The following RAP1B variants were observed in gnomAD, a reference collection of about 807,000 sequenced individuals.
RAP1B encodes the protein ras-related protein Rap-1b.
RAP1B carries 1 observed loss-of-function variant against 27.5 expected under a neutral mutation model. The ratio of observed to expected loss-of-function variants is 0.04; its 90% CI spans 0.01 to 0.17. The LOEUF (loss-of-function observed/expected upper bound fraction) is 0.17. Ranked by LOEUF, RAP1B falls within the 10% of genes least tolerant of loss-of-function variation. The pLI, the probability that RAP1B is intolerant of heterozygous loss-of-function variation, is 1.00. For missense variants in RAP1B, 84 were observed against 214.8 expected (o/e 0.39, Z 3.81); for synonymous variants, 75 against 73.1 (o/e 1.03, Z -0.13).
Position 68,651,156 on chromosome 12 carries a change from T to G in RAP1B, c.126+688T>G, listed in dbSNP as rs531522838. 1.2e-4 allele frequency among the ~76,000 whole-genome samples: 19 copies of G among 152,334 alleles called. 1 individual carries two copies. In the South Asian group the frequency reaches 1.9e-3, roughly 15 times the overall value. On this transcript the variant is annotated intron_variant, in intron 3 of 7. Coordinates refer to ENST00000250559, the MANE Select transcript of RAP1B (RefSeq NM_001010942.3). ...TGTTCCACACATGGCTCAAAAACTT[T>G]TGGATTTGGAACATTGCAAGTTTTG...
chr12:68,649,601 T>A (rs1312625362), intron 2 of RAP1B: 1 of 152,178 alleles, frequency 6.6e-6, no homozygotes, highest in Non-Finnish European at 1.5e-5. Context: ...TAGATTGACC[T>A]TCTGTCTCAC....
Position 68,669,942 on chromosome 12 carries a change from T to C in RAP1B, c.*10693T>C, listed in dbSNP as rs977565443. On this transcript the variant is annotated 3_prime_UTR_variant, in exon 8 of 8. Coordinates refer to ENST00000250559, the MANE Select transcript of RAP1B (RefSeq NM_001010942.3). The stretch of plus-strand genomic sequence containing the variant: ...ATATATTTCTTTTTCTTTCTTTTTT[T>C]TTTTTTTTTTTTTGAGACAGTTTCC... 1.4e-5 allele frequency: 2 copies of C among 144,660 alleles called. No individual in the cohort carries two copies. Among genetic ancestry groups the C allele is most frequent in the African/African-American group, 5.1e-5 (2 of 39,174 alleles). The allele number at this position is 144,660 out of a possible 1,614,324, so 9.0% of individuals were successfully genotyped here.
At chr12:68,642,719 T>C (rs1873106180) in intron 1 of RAP1B, 1 of 1,105,126 alleles carries the variant, frequency 9.0e-7, no homozygotes, top group Non-Finnish European at 1.4e-6. Flanking sequence ...ATCTTTTTCT[T>C]CGGCATCCAC....
intron 1 of RAP1B, among the ~76,000 whole-genome samples, chr12:68,628,931 A>G (rs1219387822): frequency 6.6e-6 from 1 of 152,206 alleles, no homozygotes; most frequent in African/African-American, 2.4e-5. Flanking sequence ...TCCTAAATCT[A>G]CAGTCTTGTG....
intron 1 of RAP1B, among the ~76,000 whole-genome samples, chr12:68,632,129 G>GT (rs796286462): frequency 0.046 from 4,756 of 103,660 alleles, 106 homozygotes; most frequent in African/African-American, 0.086. Context: ...TTTTGGATTT[G>GT]TTTTTTTTTT....
Position 68,632,125 on chromosome 12 carries a change from A to ATTTTTTTTTTTTTTTTT in RAP1B, c.-26-16571_-26-16570insTTTTTTTTTTTTTTTTT, listed in dbSNP as rs1211565843. On this transcript the variant is annotated intron_variant, in intron 1 of 7. Coordinates refer to ENST00000250559, the MANE Select transcript of RAP1B (RefSeq NM_001010942.3). ...AAGGAAACAGTTTTTTGGGTTTTGG[A>ATTTTTTTTTTTTTTTTT]TTTGTTTTTTTTTTTTTTTTGTTTG... is the stretch of plus-strand genomic sequence containing the variant. Among the ~76,000 whole-genome samples, 4 of 107,142 alleles carry ATTTTTTTTTTTTTTTTT rather than the reference A, an allele frequency of 3.7e-5. 1 individual carries two copies. The highest frequency in any genetic ancestry group is 1.8e-4 in the African/African-American group (4 of 21,852). 70.3% of individuals were successfully genotyped at this position (107,142 alleles called of 152,430 possible). A position where few individuals can be genotyped will look rare whatever the true frequency, so the allele number is the denominator to read the frequency against.
chr12:68,646,590 C>T (rs1372366933), intron 1 of RAP1B, among the ~76,000 whole-genome samples: 1 of 152,166 alleles, frequency 6.6e-6, no homozygotes. Context: ...GCCCGGCCCA[C>T]TACAACTAGT....
Position 68,667,451 on chromosome 12 carries a change from G to C in RAP1B, c.*8202G>C, listed in dbSNP as rs181595328. On this transcript the variant is annotated 3_prime_UTR_variant, in exon 8 of 8. Transcript: ENST00000250559. ...GGAATGAAGTACACTGAACATTTGAGGAAGTTAGAGATTAATTCAACCCAG... is the reference window on the plus strand; with the variant it reads ...GGAATGAAGTACACTGAACATTTGACGAAGTTAGAGATTAATTCAACCCAG... 1.3e-5 allele frequency: 2 copies of C among 152,308 alleles called. No individual in the cohort carries two copies. Among genetic ancestry groups the C allele is most frequent in the East Asian group, 3.9e-4 (2 of 5,190 alleles). 9.4% of individuals were successfully genotyped at this position (152,308 alleles called of 1,614,324 possible). A position where few individuals can be genotyped will look rare whatever the true frequency, so the allele number is the denominator to read the frequency against.
chr12:68,630,914 C>T (rs557748175), intron 1 of RAP1B, among the ~76,000 whole-genome samples: 5 of 151,942 alleles, frequency 3.3e-5, no homozygotes, highest in Admixed American at 1.3e-4. Context: ...TGTCAACCAC[C>T]GCATCCAGCC....
chr12:68,651,951 A>G (rs776735158), intron 3 of RAP1B, 44 bp from the exon 4 acceptor site: 9 of 1,508,322 alleles, frequency 6.0e-6, no homozygotes, highest in Non-Finnish European at 3.7e-6. Context: ...AGGTAGTTTT[A>G]TGTACATTGA....
chr12:68,628,597 GA>G (rs1871995713), intron 1 of RAP1B, among the ~76,000 whole-genome samples: 2 of 152,198 alleles, frequency 1.3e-5, no homozygotes. Context: ...CCTTGTGAGA[GA>G]AAAGTACAAG....
At position 68,633,343 on chromosome 12, in the gene RAP1B, G is replaced by A. The variant is rs528251851; in HGVS notation, c.-26-15356G>A. On this transcript the variant is annotated intron_variant, in intron 1 of 7. Coordinates refer to ENST00000250559, the MANE Select transcript of RAP1B (RefSeq NM_001010942.3). Reference sequence around the variant, plus strand: ...TTATATATCCACTGGTCTGGTTTAAGTATCCACTTAGGAAGCCTTGCCTGG... The same window carrying A: ...TTATATATCCACTGGTCTGGTTTAAATATCCACTTAGGAAGCCTTGCCTGG... 6.6e-5 allele frequency among the ~76,000 whole-genome samples: 10 copies of A among 152,268 alleles called. No individual in the cohort carries two copies. The East Asian group carries it at 1.7e-3, about 26-fold the overall frequency.
chr12:68,618,749 TAA>T (rs1871194620), intron 1 of RAP1B, among the ~76,000 whole-genome samples: 1 of 151,796 alleles, frequency 6.6e-6, no homozygotes, highest in South Asian at 2.1e-4. Flanking sequence ...GATTTTTTTT[TAA>T]GTTTCACCTA....
chr12:68,648,656 A>G, intron 1 of RAP1B, 43 bp from the exon 2 acceptor site: 1 of 1,434,908 alleles, frequency 7.0e-7, no homozygotes, highest in Non-Finnish European at 9.6e-7. Context: ...ACAGGAATAC[A>G]CAACTTTACT....
chr12:68,651,966 A>C (rs1402337895), intron 3 of RAP1B, 29 bp from the exon 4 acceptor site: 2 of 1,589,510 alleles, frequency 1.3e-6, no homozygotes, highest in Admixed American at 1.7e-5. Context: ...CATTGAAAAA[A>C]TGAACATGTA....
rs1177236838 is a variant in RAP1B, at chr12:68,665,719, G to A, written c.*6470G>A. On this transcript the variant is annotated 3_prime_UTR_variant, in exon 8 of 8. Transcript: ENST00000250559. ...ACTTGGTGGTGAATTTGCTACAAAT[G>A]TAAGGAGATGATGGGATAGTTTTTG... 3.9e-5 allele frequency: 6 copies of A among 152,160 alleles called. No individual in the cohort carries two copies. Among genetic ancestry groups the A allele is most frequent in the Non-Finnish European group, 5.9e-5 (4 of 68,036 alleles). The allele number at this position is 152,160 out of a possible 1,614,324, so 9.4% of individuals were successfully genotyped here.
rs551692899 is a variant in RAP1B at position 68,646,350 on chromosome 12, C to T, written c.-26-2349C>T. ...TTGCAGTCTCACCGGGGCTGGAGTG[C>T]AGTGGCACGATCTCAGCTTACTGCA... On this transcript the variant is annotated intron_variant, in intron 1 of 7. Coordinates refer to ENST00000250559, the MANE Select transcript of RAP1B (RefSeq NM_001010942.3). 4.1e-3 allele frequency among the ~76,000 whole-genome samples: 623 copies of T among 151,748 alleles called. 2 individuals are homozygous for T. Among genetic ancestry groups the T allele is most frequent in the Admixed American group, 6.7e-3 (102 of 15,224 alleles).
chr12:68,664,168 T>C lies in RAP1B; in HGVS notation c.*4919T>C, dbSNP rs1163554202. On this transcript the variant is annotated 3_prime_UTR_variant, in exon 8 of 8. Transcript: ENST00000250559. ...GAAAACAAAACAGCACACACATATATTACAGGATTTTTATGTAATAATATA... is the reference window on the plus strand; with the variant it reads ...GAAAACAAAACAGCACACACATATACTACAGGATTTTTATGTAATAATATA... 6.6e-6 allele frequency: 1 copy of C among 152,148 alleles called. No individual in the cohort carries two copies. The highest frequency in any genetic ancestry group is 6.6e-5 in the Admixed American group (1 of 15,258). 9.4% of individuals were successfully genotyped at this position (152,148 alleles called of 1,614,324 possible). A position where few individuals can be genotyped will look rare whatever the true frequency, so the allele number is the denominator to read the frequency against.
rs766863136 is a variant in RAP1B, at chr12:68,657,112, C to T, written c.480C>T (p.Asp160=). The T allele has an allele frequency of 1.9e-6, 3 of 1,613,066 alleles. No homozygotes were observed. The highest frequency in any genetic ancestry group is 2.2e-5 in the East Asian group (1 of 44,844). ...SKINVNEIFY[D]LVRQINRKTP... ...TATTGTATTTGCAGATCTTTTATGACCTAGTGCGGCAAATTAACAGAAAAA... is the reference window on the plus strand; with the variant it reads ...TATTGTATTTGCAGATCTTTTATGATCTAGTGCGGCAAATTAACAGAAAAA... Residue 160 remains aspartate, a synonymous_variant, in exon 7 of 8, where the codon GAC becomes GAT. Coordinates refer to ENST00000250559, the MANE Select transcript of RAP1B (RefSeq NM_001010942.3).
Sources: allele counts gnomAD v4.1 joint callset (sites outside exome capture counted in the v4.1 genomes callset), GRCh38; gene constraint gnomAD v4.1.1; transcripts MANE v1.5; gene names NCBI Gene and HGNC (gene_info 2026-07-23, HGNC 2026-07-21).